Variants in GALNT18 observed in about 807,000 individuals in gnomAD.
GALNT18 encodes GalNAc-transferase 18.
Under a neutral mutation model 69.5 loss-of-function variants are expected in GALNT18, and 44 were observed. That is an observed-to-expected ratio of 0.63 (90% CI 0.50 to 0.81). The LOEUF (loss-of-function observed/expected upper bound fraction) is 0.81, where lower values mean the gene tolerates loss of function less well. Ranked by LOEUF, GALNT18 falls within the 40% of genes least tolerant of loss-of-function variation. GALNT18 has a pLI of 0.00. For missense variants in GALNT18, 715 were observed against 810.0 expected, an observed-to-expected ratio of 0.88 and a Z score of 1.42; for synonymous variants, 364 against 318.2, an observed-to-expected ratio of 1.14 and a Z score of -1.53.
intron 1 of GALNT18, chr11:11,476,434 C>A (rs901550): frequency 6.6e-6 from 1 of 151,936 alleles, no homozygotes; most frequent in Admixed American, 6.5e-5. Context: ...ATTCAGAAGG[C>A]AGAAATTTCT....
intron 1 of GALNT18, among the ~76,000 whole-genome samples, chr11:11,571,977 G>T (rs550449241): frequency 6.6e-6 from 1 of 152,186 alleles, no homozygotes; most frequent in African/African-American, 2.4e-5. Context: ...ACACTAACTG[G>T]GCATAGGAAT....
rs1214987435 is a variant in GALNT18, at chr11:11,616,163, A to C, written c.235+5196T>G. On this transcript the variant is annotated intron_variant, in intron 1 of 10. Transcript: ENST00000227756. The surrounding 1 kb of genome is among the most constrained non-coding windows in gnomAD (Gnocchi z 4.4). ...ACACTGATAGTCTTAGAGAACAATA[A>C]GCAAGGACACAAATAGTCCCACAAG... Among the ~76,000 whole-genome samples, 1 of 152,176 alleles carries C rather than the reference A, an allele frequency of 6.6e-6. No individual in the cohort carries two copies. The highest frequency in any genetic ancestry group is 1.5e-5 in the Non-Finnish European group (1 of 68,038).
rs1219824236 is a variant in GALNT18 at position 11,555,048 on chromosome 11, AC to A, written c.235+66310del. On this transcript the variant is annotated intron_variant, in intron 1 of 10. Transcript: ENST00000227756. The surrounding 1 kb of genome is among the most constrained non-coding windows in gnomAD (Gnocchi z 4.7). The stretch of plus-strand genomic sequence containing the variant: ...GTGGTCTCACTAAATCTTACCAACA[AC>A]CCAATAAAGTGTCTATCATTTCTGC... 6.6e-6 allele frequency among the ~76,000 whole-genome samples: 1 copy of A among 152,138 alleles called. No homozygotes were observed. The highest frequency in any genetic ancestry group is 1.5e-5 in the Non-Finnish European group (1 of 68,028).
At chr11:11,278,708 A>G (rs886362051) in intron 10 of GALNT18, among the ~76,000 whole-genome samples, 1 of 152,174 alleles carries the variant, frequency 6.6e-6, no homozygotes, top group Non-Finnish European at 1.5e-5. Flanking sequence ...TAAGAAAGGT[A>G]GTAGGGAGGA....
rs1432206920 is a variant in GALNT18, at chr11:11,293,196, G to A, written c.1513-3C>T. On this transcript the variant is annotated splice_region_variant and splice_polypyrimidine_tract_variant and intron_variant, in intron 9 of 10. Coordinates refer to ENST00000227756, the MANE Select transcript of GALNT18 (RefSeq NM_198516.3). ...TGACTGCTCGTGTAGTACACGTTCT[G>A]GGGGCGGAGGGAGGGAGAGAGTGTG... The A allele has an allele frequency of 1.5e-6, 2 of 1,320,544 alleles. No individual in the cohort carries two copies. Among genetic ancestry groups the A allele is most frequent in the Non-Finnish European group, 9.8e-7 (1 of 1,025,542 alleles). 81.8% of individuals were successfully genotyped at this position (1,320,544 alleles called of 1,614,324 possible).
At chr11:11,532,802 CAG>C (rs1857685516) in intron 1 of GALNT18, among the ~76,000 whole-genome samples, 1 of 152,222 alleles carries the variant, frequency 6.6e-6, no homozygotes, top group Non-Finnish European at 1.5e-5. Context: ...ATTGGAGCCT[CAG>C]AAAGACTGAG....
chr11:11,477,856 A>G (rs1856437219), intron 1 of GALNT18, among the ~76,000 whole-genome samples: 1 of 152,192 alleles, frequency 6.6e-6, no homozygotes. Flanking sequence ...TGTTTATTCA[A>G]AGTACCAGAT....
In GALNT18 at chr11:11,389,090, G is replaced by C. The variant is rs1301183175; in HGVS notation, c.596-9826C>G. 6.6e-6 allele frequency among the ~76,000 whole-genome samples: 1 copy of C among 152,204 alleles called. No individual in the cohort carries two copies. Among genetic ancestry groups the C allele is most frequent in the Non-Finnish European group, 1.5e-5 (1 of 68,036 alleles). On this transcript the variant is annotated intron_variant, in intron 3 of 10. Coordinates refer to ENST00000227756, the MANE Select transcript of GALNT18 (RefSeq NM_198516.3). This position sits in a 1 kb window ranked among gnomAD's most constrained non-coding sequence, Gnocchi z 4.3. ...GCTGAAAAGCAAACCCAGGCAACCT[G>C]AAGATAATAACCTCATTATTATCTT...
intron 1 of GALNT18, among the ~76,000 whole-genome samples, chr11:11,499,046 A>G (rs953844048): frequency 1.3e-5 from 2 of 152,244 alleles, no homozygotes; most frequent in Non-Finnish European, 2.9e-5. Flanking sequence ...GCTGACAGTT[A>G]CTATCTCTAG....
chr11:11,585,063 C>A lies in GALNT18; in HGVS notation c.235+36296G>T, dbSNP rs981784253. On this transcript the variant is annotated intron_variant, in intron 1 of 10. Transcript: ENST00000227756. ...CACACTGTATAATAAAATATGTCCA[C>A]ATTTAGAAGATCTGCCTAACTCTGT... 2.6e-5 allele frequency among the ~76,000 whole-genome samples: 4 copies of A among 152,328 alleles called. No homozygotes were observed. In the South Asian group the frequency reaches 8.3e-4, roughly 32 times the overall value.
At chr11:11,515,774 G>A (rs1857261187) in intron 1 of GALNT18, among the ~76,000 whole-genome samples, 1 of 152,210 alleles carries the variant, frequency 6.6e-6, no homozygotes, top group Non-Finnish European at 1.5e-5. Context: ...GCATTCCCAG[G>A]AGCAGGAAGA....
At chr11:11,350,560 G>A (rs1370153942) in intron 6 of GALNT18, among the ~76,000 whole-genome samples, 1 of 152,182 alleles carries the variant, frequency 6.6e-6, no homozygotes, top group Non-Finnish European at 1.5e-5. Flanking sequence ...GAGTAGAGTG[G>A]TCTCCAAAGG....
chr11:11,363,252 C>G (rs1381221952), intron 6 of GALNT18, among the ~76,000 whole-genome samples: 1 of 151,948 alleles, frequency 6.6e-6, no homozygotes, highest in Non-Finnish European at 1.5e-5. Context: ...TTTTTATAAA[C>G]TAAATAAAAA....
At chr11:11,331,863 A>C (rs116972459) in intron 8 of GALNT18, among the ~76,000 whole-genome samples, 2 of 152,204 alleles carry the variant, frequency 1.3e-5, no homozygotes, top group Non-Finnish European at 2.9e-5. Flanking sequence ...AAAATCAATC[A>C]AAATACCATT....
chr11:11,467,931 G>A (rs1856185879), intron 1 of GALNT18, among the ~76,000 whole-genome samples: 1 of 152,096 alleles, frequency 6.6e-6, no homozygotes, highest in Non-Finnish European at 1.5e-5. Context: ...AGATCACCCC[G>A]AGATGTTCCA....
At position 11,432,719 on chromosome 11, in the gene GALNT18, G is replaced by A. The variant is rs769082072; in HGVS notation, c.497C>T (p.Ala166Val). The change falls in exon 3 of 11, where the codon GCG (alanine) becomes GTG (valine). Residue 166 changes from alanine (A) to valine (V), a missense_variant. Transcript: ENST00000227756. This position sits in a 1 kb window ranked among gnomAD's most constrained non-coding sequence, Gnocchi z 5.8. ...GATGGAGCGCAGCAGCACTGAAAGC[G>A]CTTCATTGACGAAGATGAACACGAT... ...VSIVFIFVNE[A>V]LSVLLRSIHS... The A allele has an allele frequency of 2.2e-5, 35 of 1,613,916 alleles. No homozygotes were observed. Among genetic ancestry groups the A allele is most frequent in the Non-Finnish European group, 2.5e-5 (30 of 1,179,994 alleles).
chr11:11,555,315 T>C lies in GALNT18; in HGVS notation c.235+66044A>G, dbSNP rs1034107257. On this transcript the variant is annotated intron_variant, in intron 1 of 10. Transcript: ENST00000227756. This position sits in a 1 kb window ranked among gnomAD's most constrained non-coding sequence, Gnocchi z 4.7. ...TCAGGAGATCTAGCTAGAGAGCATT[T>C]TCCTGACACAGTGTAAACGTTTGCC... Among the ~76,000 whole-genome samples, 9 of 152,298 alleles carry C rather than the reference T, an allele frequency of 5.9e-5. No homozygotes were observed. The highest frequency in any genetic ancestry group is 2.2e-4 in the African/African-American group (9 of 41,548).
chr11:11,534,138 T>C (rs975762397), intron 1 of GALNT18, among the ~76,000 whole-genome samples: 2 of 152,230 alleles, frequency 1.3e-5, no homozygotes, highest in Non-Finnish European at 2.9e-5. Context: ...AGACTTGAAC[T>C]AGGGCAACCA....
intron 6 of GALNT18, chr11:11,353,460 G>C: frequency 2.3e-6 from 1 of 425,624 alleles, no homozygotes; most frequent in Non-Finnish European, 4.2e-6. Context: ...TCTCCTTGTG[G>C]ACATGCTTGT....
Sources: gnomAD v4.1 joint callset for allele counts (sites outside exome capture counted in the v4.1 genomes callset) on GRCh38, gnomAD v4.1.1 for gene constraint, Gnocchi (gnomAD v3.1) non-coding constraint, MANE v1.5 for transcripts, NCBI Gene and HGNC (gene_info 2026-07-23, HGNC 2026-07-21) for gene names.